Variants in CUX1 observed in about 807,000 individuals in gnomAD.
CUX1 encodes cut like homeobox 1, also known as protein CASP.
Under a neutral mutation model 158.8 loss-of-function variants are expected in CUX1, and 31 were observed. That is an observed-to-expected ratio of 0.20 (90% CI 0.15 to 0.26). CUX1 has a LOEUF of 0.26. Ranked by LOEUF, CUX1 falls within the 10% of genes least tolerant of loss-of-function variation. CUX1 has a pLI of 1.00. For missense variants in CUX1, 1,589 were observed against 2,014.6 expected, an observed-to-expected ratio of 0.79 and a Z score of 4.04; for synonymous variants, 879 against 862.1, an observed-to-expected ratio of 1.02 and a Z score of -0.34.
chr7:101,975,878 C>T (rs1454992768), intron 2 of CUX1, among the ~76,000 whole-genome samples: 4 of 152,172 alleles, frequency 2.6e-5, no homozygotes, highest in African/African-American at 7.2e-5. Flanking sequence ...CAGCTGCTCA[C>T]GCCTGTAACC....
chr7:101,867,081 C>T (rs951630958), intron 1 of CUX1, among the ~76,000 whole-genome samples: 4 of 152,076 alleles, frequency 2.6e-5, no homozygotes, highest in South Asian at 2.1e-4. Flanking sequence ...ACTAGCCGGG[C>T]GTGGTGGTGC....
At position 101,864,323 on chromosome 7, in the gene CUX1, G is replaced by A. The variant is rs1797744889; in HGVS notation, c.30+46654G>A. 3.3e-5 allele frequency among the ~76,000 whole-genome samples: 5 copies of A among 151,788 alleles called. No homozygotes were observed. In the South Asian group the frequency reaches 8.3e-4, roughly 25 times the overall value. On this transcript the variant is annotated intron_variant, in intron 1 of 23. Coordinates refer to ENST00000292535, the MANE Select transcript of CUX1 (RefSeq NM_181552.4). ...CTATAGGTGTGCACCACCACACCCCGCTAATTTTTATATTTTTTTGTAGAG... is the reference window on the plus strand; with the variant it reads ...CTATAGGTGTGCACCACCACACCCCACTAATTTTTATATTTTTTTGTAGAG...
chr7:101,931,278 A>G (rs1369698445), intron 2 of CUX1, among the ~76,000 whole-genome samples: 1 of 152,162 alleles, frequency 6.6e-6, no homozygotes, highest in East Asian at 1.9e-4. Context: ...GTGTGCAGCA[A>G]ATATTCCTGG....
chr7:101,955,148 GA>G (rs1809599490), intron 2 of CUX1, among the ~76,000 whole-genome samples: 1 of 150,428 alleles, frequency 6.6e-6, no homozygotes, highest in Non-Finnish European at 1.5e-5. Flanking sequence ...GTGGGTGACA[GA>G]GACAGATTCA....
chr7:101,934,715 G>A (rs1806715170), intron 2 of CUX1, among the ~76,000 whole-genome samples: 1 of 152,144 alleles, frequency 6.6e-6, no homozygotes, highest in Non-Finnish European at 1.5e-5. Flanking sequence ...GAGGCTTTCA[G>A]TTTTGTGTCC....
intron 3 of CUX1, among the ~76,000 whole-genome samples, chr7:102,053,802 C>CTTTTT (rs750818355): frequency 5.8e-5 from 7 of 119,866 alleles, no homozygotes; most frequent in East Asian, 2.3e-4. Flanking sequence ...TGTCTTCTCA[C>CTTTTT]TTTTTTTTTT....
At position 102,148,707 on chromosome 7, in the gene CUX1, T is replaced by C. The variant is rs147280225; in HGVS notation, c.675-9853T>C. ...ATGTATGTGTTATATATATATAATA[T>C]ATTAATATATATATATTATATATTA... On this transcript the variant is annotated intron_variant, in intron 8 of 23. Coordinates refer to ENST00000292535, the MANE Select transcript of CUX1 (RefSeq NM_181552.4). Among the ~76,000 whole-genome samples the C allele has an allele frequency of 8.8e-3, 1,302 of 148,212 alleles. 11 individuals carry two copies. The highest frequency in any genetic ancestry group is 0.03 in the African/African-American group (1,245 of 40,832).
At chr7:102,034,117 G>A (rs1434888200) in intron 3 of CUX1, among the ~76,000 whole-genome samples, 1 of 126,420 alleles carries the variant, frequency 7.9e-6, no homozygotes, top group Non-Finnish European at 1.6e-5. Context: ...CTGGACTCCA[G>A]CCCAGGTGAC....
chr7:102,003,849 C>A (rs192653816), intron 2 of CUX1, among the ~76,000 whole-genome samples: 4 of 152,248 alleles, frequency 2.6e-5, no homozygotes, highest in Admixed American at 2.6e-4. Context: ...CAGTTTGCTT[C>A]ATGTTATAAG....
intron 14 of CUX1, among the ~76,000 whole-genome samples, chr7:102,272,331 G>GGAGA (rs1791277061): frequency 6.6e-6 from 1 of 152,218 alleles, no homozygotes; most frequent in Non-Finnish European, 1.5e-5. Flanking sequence ...GTCCACGGAG[G>GGAGA]AGGCCGCACA....
At chr7:102,065,958 T>A (rs1825507972) in intron 3 of CUX1, among the ~76,000 whole-genome samples, 1 of 152,040 alleles carries the variant, frequency 6.6e-6, no homozygotes, top group East Asian at 1.9e-4. Flanking sequence ...GCCCAGCTAA[T>A]TTTTGTATTT....
chr7:102,219,996 C>T (rs993468690), intron 20 of CUX1, among the ~76,000 whole-genome samples: 2 of 152,168 alleles, frequency 1.3e-5, no homozygotes, highest in Non-Finnish European at 2.9e-5. Flanking sequence ...TCAGAAATTT[C>T]GGAGCTGGTC....
At chr7:102,100,738 G>A (rs949430783) in intron 5 of CUX1, among the ~76,000 whole-genome samples, 1 of 151,966 alleles carries the variant, frequency 6.6e-6, no homozygotes, top group African/African-American at 2.4e-5. Context: ...AGACCAAGTC[G>A]GGAGGATCTC....
intron 3 of CUX1, among the ~76,000 whole-genome samples, chr7:102,030,691 G>GTTTTTTTTTTTTTTTGTTTGTTTTTTGT (rs71119801): frequency 8.4e-6 from 1 of 119,384 alleles, no homozygotes; most frequent in Non-Finnish European, 1.7e-5. Flanking sequence ...TTTAAAAAGT[G>GTTTTTTTTTTTTTTTGTTTGTTTTTTGT]TTTTTTTTTT....
At chr7:101,949,781 C>T (rs1447304345) in intron 2 of CUX1, among the ~76,000 whole-genome samples, 1 of 152,046 alleles carries the variant, frequency 6.6e-6, no homozygotes, top group Non-Finnish European at 1.5e-5. Flanking sequence ...ATCCACCCAC[C>T]TCAGCCTCCC....
chr7:101,858,482 A>G (rs965679208), intron 1 of CUX1, among the ~76,000 whole-genome samples: 2 of 151,858 alleles, frequency 1.3e-5, no homozygotes, highest in African/African-American at 4.8e-5. Flanking sequence ...ATGATCCCCT[A>G]CTTATAAAAC....
At chr7:102,167,158 C>T (rs186487300) in intron 9 of CUX1, among the ~76,000 whole-genome samples, 51 of 151,842 alleles carry the variant, frequency 3.4e-4, no homozygotes, top group African/African-American at 1.2e-3. Flanking sequence ...ATCCCAGCTA[C>T]TCAGGAGGCT....
At chr7:102,163,381 G>C (rs935384673) in intron 9 of CUX1, among the ~76,000 whole-genome samples, 2 of 151,888 alleles carry the variant, frequency 1.3e-5, no homozygotes, top group Admixed American at 6.6e-5. Context: ...TGTGGTCCCA[G>C]CTAACCCAGG....
intron 8 of CUX1, among the ~76,000 whole-genome samples, chr7:102,116,490 C>T (rs1160800772): frequency 2.0e-5 from 3 of 151,984 alleles, no homozygotes; most frequent in Non-Finnish European, 4.4e-5. Flanking sequence ...TTAAAACTTA[C>T]TATATTTCAC....
Sources: allele counts gnomAD v4.1 joint callset (sites outside exome capture counted in the v4.1 genomes callset), GRCh38; gene constraint gnomAD v4.1.1; transcripts MANE v1.5; gene names NCBI Gene and HGNC (gene_info 2026-07-23, HGNC 2026-07-21).